FSIP1: variants seen among roughly 807,000 people sequenced by gnomAD.
The protein encoded by FSIP1 is fibrous sheath-interacting protein 1.
FSIP1 carries 65 observed loss-of-function variants against 60.9 expected under a neutral mutation model. That is an observed-to-expected ratio of 1.07 (90% confidence interval 0.87 to 1.31). The LOEUF is 1.31. FSIP1 is among the 40% of genes most tolerant of loss of function. The pLI, the probability that FSIP1 is intolerant of heterozygous loss-of-function variation, is 0.00. For missense variants in FSIP1, 675 were observed against 665.5 expected (o/e 1.01, Z -0.16); for synonymous variants, 209 against 221.2 (o/e 0.94, Z 0.49).
chr15:39,739,581 T>C, intron 7 of FSIP1, 84 bp downstream of exon 7: 1 of 1,257,490 alleles, frequency 8.0e-7, no homozygotes, highest in South Asian at 1.4e-5. Context: ...TTGAAAAATA[T>C]TTAAAGACAC....
At chr15:39,757,582 T>A (rs1310867664) in intron 5 of FSIP1, among the ~76,000 whole-genome samples, 1 of 152,082 alleles carries the variant, frequency 6.6e-6, no homozygotes, top group African/African-American at 2.4e-5. Flanking sequence ...TACTTTTTTG[T>A]TTTTAAGAAT....
chr15:39,697,538 T>C (rs1336172831), intron 10 of FSIP1, among the ~76,000 whole-genome samples: 4 of 152,080 alleles, frequency 2.6e-5, no homozygotes, highest in Non-Finnish European at 5.9e-5. Flanking sequence ...ACAAACTGAG[T>C]CGACATCAAG....
intron 9 of FSIP1, among the ~76,000 whole-genome samples, chr15:39,722,770 A>G (rs1896032483): frequency 6.6e-6 from 1 of 152,060 alleles, no homozygotes; most frequent in Non-Finnish European, 1.5e-5. Flanking sequence ...ACCTCTAAAA[A>G]AAATTAAAAA....
intron 10 of FSIP1, among the ~76,000 whole-genome samples, chr15:39,623,949 T>G (rs991910294): frequency 6.6e-6 from 1 of 152,234 alleles, no homozygotes; most frequent in Admixed American, 6.5e-5. Flanking sequence ...ATGAACTGAC[T>G]CTGTAAGAGT....
intron 11 of FSIP1, among the ~76,000 whole-genome samples, chr15:39,604,035 G>A (rs1202394414): frequency 6.6e-6 from 1 of 152,178 alleles, no homozygotes; most frequent in Non-Finnish European, 1.5e-5. Context: ...GAGTTCAAGC[G>A]ATTCTCCTGC....
intron 10 of FSIP1, among the ~76,000 whole-genome samples, chr15:39,647,246 A>G (rs1001412788): frequency 1.3e-5 from 2 of 152,210 alleles, no homozygotes; most frequent in Non-Finnish European, 2.9e-5. Context: ...AAAAGAGTAG[A>G]TTTTACGTGT....
chr15:39,779,157 TAAGAA>T lies in FSIP1; in HGVS notation c.-7-2631_-7-2627del, dbSNP rs552171095. Among the ~76,000 whole-genome samples the T allele has an allele frequency of 7.9e-4, 120 of 152,152 alleles. 1 individual carries two copies. The highest frequency in any genetic ancestry group is 2.8e-3 in the African/African-American group (117 of 41,538). Reference sequence around the variant, plus strand: ...TATTTATAGAGCTCTTACCAATCAGTAAGAAAAGAAAATTCTAATAGAAAACTGGG... The same window carrying T: ...TATTTATAGAGCTCTTACCAATCAGTAAGAAAATTCTAATAGAAAACTGGG... On this transcript the variant is annotated intron_variant, in intron 1 of 11. Coordinates refer to ENST00000350221, the MANE Select transcript of FSIP1 (RefSeq NM_152597.5).
intron 10 of FSIP1, among the ~76,000 whole-genome samples, chr15:39,630,746 C>T (rs746489430): frequency 4.6e-5 from 7 of 152,194 alleles, no homozygotes; most frequent in Non-Finnish European, 7.3e-5. Flanking sequence ...AGGGCCTTTT[C>T]ACACTAATTG....
At chr15:39,699,785 A>G (rs1894982767) in intron 10 of FSIP1, among the ~76,000 whole-genome samples, 1 of 152,172 alleles carries the variant, frequency 6.6e-6, no homozygotes, top group Admixed American at 6.5e-5. Flanking sequence ...ATTCCACTCA[A>G]ATTTCTGAAG....
chr15:39,651,632 T>C (rs1249026978), intron 10 of FSIP1, among the ~76,000 whole-genome samples: 1 of 152,254 alleles, frequency 6.6e-6, no homozygotes, highest in African/African-American at 2.4e-5. Context: ...GTGACTGTTA[T>C]TGCTTTTTTG....
At chr15:39,671,642 G>A (rs1893725151) in intron 10 of FSIP1, among the ~76,000 whole-genome samples, 2 of 152,140 alleles carry the variant, frequency 1.3e-5, no homozygotes, top group Admixed American at 1.3e-4. Context: ...TAGTCTGAGG[G>A]CAGTGGAGTC....
At chr15:39,667,885 G>A (rs148343563) in intron 10 of FSIP1, among the ~76,000 whole-genome samples, 2 of 152,370 alleles carry the variant, frequency 1.3e-5, no homozygotes, top group East Asian at 3.9e-4. Context: ...GAGGGTTGGT[G>A]TCTAGTAATG....
At chr15:39,721,535 C>T (rs1399538582) in intron 9 of FSIP1, among the ~76,000 whole-genome samples, 1 of 152,200 alleles carries the variant, frequency 6.6e-6, no homozygotes, top group Non-Finnish European at 1.5e-5. Flanking sequence ...CTACAAGCTA[C>T]CTTGAGGTCA....
In FSIP1 at chr15:39,618,091, A is replaced by G. The variant is rs781361486; in HGVS notation, c.1343T>C (p.Ile448Thr). 2.5e-6 allele frequency: 4 copies of G among 1,614,158 alleles called. No individual in the cohort carries two copies. In the African/African-American group the frequency reaches 5.3e-5, roughly 22 times the overall value. Residue 448 changes from isoleucine to threonine, a missense_variant, in exon 11 of 12, where the codon ATC becomes ACC. Physicochemically the swap from Ile to Thr is moderately conservative, Grantham distance 89. Transcript: ENST00000350221. Reference protein sequence around the residue: ...TPVFPQLSRSIISKLLNESET... With the variant: ...TPVFPQLSRSTISKLLNESET... ...TGATTCATTTAGCAATTTAGAGATG[A>G]TGGACCTGGAAAGCTGGGGGAACAC...
intron 9 of FSIP1, among the ~76,000 whole-genome samples, chr15:39,721,778 A>G (rs946423432): frequency 5.9e-5 from 9 of 152,244 alleles, no homozygotes; most frequent in African/African-American, 1.9e-4. Context: ...CAATTCGGTA[A>G]TTGTCAAGCA....
At chr15:39,647,045 G>C (rs1215875982) in intron 10 of FSIP1, among the ~76,000 whole-genome samples, 4 of 144,968 alleles carry the variant, frequency 2.8e-5, no homozygotes, top group Admixed American at 2.0e-4. Flanking sequence ...CATGAAGATA[G>C]AATAAAGTGG....
chr15:39,671,429 G>C (rs1183892352), intron 10 of FSIP1, among the ~76,000 whole-genome samples: 1 of 152,022 alleles, frequency 6.6e-6, no homozygotes, highest in Non-Finnish European at 1.5e-5. Context: ...TGTGGAATGA[G>C]GGAATCAGAG....
At chr15:39,653,139 G>A (rs1157719323) in intron 10 of FSIP1, among the ~76,000 whole-genome samples, 1 of 145,846 alleles carries the variant, frequency 6.9e-6, no homozygotes, top group Non-Finnish European at 1.5e-5. Flanking sequence ...CCACGCCAGT[G>A]CACCGTAGCC....
At chr15:39,702,408 G>A in intron 10 of FSIP1, among the ~76,000 whole-genome samples, 1 of 150,810 alleles carries the variant, frequency 6.6e-6, no homozygotes, top group Non-Finnish European at 1.5e-5. Flanking sequence ...ATTTCTGCCA[G>A]CTCAGCCATG....
Sources: allele counts gnomAD v4.1 joint callset (sites outside exome capture counted in the v4.1 genomes callset), GRCh38; gene constraint gnomAD v4.1.1; transcripts MANE v1.5; gene names NCBI Gene and HGNC (gene_info 2026-07-23, HGNC 2026-07-21).